Variants in TUSC3 observed in about 807,000 individuals in gnomAD.
The protein encoded by TUSC3 is dolichyl-diphosphooligosaccharide--protein glycosyltransferase subunit TUSC3.
TUSC3 carries 45 observed loss-of-function variants against 44.8 expected under a neutral mutation model. The ratio of observed to expected loss-of-function variants is 1.00; its 90% CI spans 0.79 to 1.29. The LOEUF (loss-of-function observed/expected upper bound fraction) is 1.29, where lower values mean the gene tolerates loss of function less well. Among genes scored for constraint, TUSC3 ranks in the 50% most tolerant of loss-of-function variants. The pLI, the probability that TUSC3 is intolerant of heterozygous loss-of-function variation, is 0.00. For missense variants in TUSC3, 519 were observed against 437.9 expected (o/e 1.19, Z -1.65); for synonymous variants, 212 against 152.9 (o/e 1.39, Z -2.85).
At chr8:15,651,641 C>T (rs1806908571) in intron 3 of TUSC3, among the ~76,000 whole-genome samples, 1 of 152,136 alleles carries the variant, frequency 6.6e-6, no homozygotes, top group Non-Finnish European at 1.5e-5. Flanking sequence ...GGAAGAGGAG[C>T]CTCACCCGAA....
rs537415026 is a variant in TUSC3, at chr8:15,575,027, A to C, written c.138+34459A>C. 2.1e-4 allele frequency among the ~76,000 whole-genome samples: 32 copies of C among 152,172 alleles called. No homozygotes were observed. The South Asian group carries it at 6.7e-3, about 32-fold the overall frequency. ...TGCTGTGCTTCATTTTTATTTCTTG[A>C]AGTATTTAGAAAATTTTTATACTGA... is the stretch of plus-strand genomic sequence containing the variant. On this transcript the variant is annotated intron_variant, in intron 1 of 10. Coordinates refer to ENST00000503731, the MANE Select transcript of TUSC3 (RefSeq NM_006765.4).
chr8:15,723,331 C>CT, intron 6 of TUSC3, among the ~76,000 whole-genome samples: 1 of 152,132 alleles, frequency 6.6e-6, no homozygotes. Context: ...AGACAAAATT[C>CT]TTTGAGTGGC....
At chr8:15,542,571 A>G (rs1386605878) in intron 1 of TUSC3, among the ~76,000 whole-genome samples, 1 of 150,576 alleles carries the variant, frequency 6.6e-6, no homozygotes, top group East Asian at 2.0e-4. Flanking sequence ...TTACAAGGGG[A>G]AAAAAAAAAT....
the TUSC3 span, among the ~76,000 whole-genome samples, chr8:15,791,651 C>T: frequency 6.6e-6 from 1 of 152,106 alleles, no homozygotes; most frequent in African/African-American, 2.4e-5. Flanking sequence ...AATACAAAAC[C>T]ATTTCCTTTC....
In TUSC3 at chr8:15,659,615, G is replaced by A. The variant is rs199834913; in HGVS notation, c.535G>A (p.Ala179Thr). 32 of 1,613,308 alleles carry A rather than the reference G, an allele frequency of 2.0e-5. No individual in the cohort carries two copies. Among genetic ancestry groups the A allele is most frequent in the Middle Eastern group, 1.7e-4 (1 of 6,056 alleles). Reference protein sequence around the residue: ...QRIGFAAEQLAKWIADRTDVH... With the variant: ...QRIGFAAEQLTKWIADRTDVH... ...AATTGGATTTGCAGCTGAGCAACTAGCAAAGTGGATTGCTGACAGAACGGA... is the reference window on the plus strand; with the variant it reads ...AATTGGATTTGCAGCTGAGCAACTAACAAAGTGGATTGCTGACAGAACGGA... Residue 179 changes from alanine (A) to threonine (T), a missense_variant, in exon 4 of 11, where the codon GCA becomes ACA. Transcript: ENST00000503731.
intron 1 of TUSC3, among the ~76,000 whole-genome samples, chr8:15,604,239 C>T (rs567732664): frequency 4.6e-4 from 69 of 151,490 alleles, no homozygotes; most frequent in African/African-American, 1.4e-4. Flanking sequence ...CGTCTTTATA[C>T]ACATAAAGAT....
chr8:15,815,596 G>C, the TUSC3 span, among the ~76,000 whole-genome samples: 1 of 152,124 alleles, frequency 6.6e-6, no homozygotes, highest in Non-Finnish European at 1.5e-5. Context: ...GGAAACAGAA[G>C]CATCTGTCAG....
chr8:15,720,938 A>T (rs1810278360), intron 6 of TUSC3, among the ~76,000 whole-genome samples: 1 of 152,116 alleles, frequency 6.6e-6, no homozygotes, highest in African/African-American at 2.4e-5. Flanking sequence ...ATCCATGTTC[A>T]TGTGCTGACA....
At chr8:15,824,279 C>T in the TUSC3 span, among the ~76,000 whole-genome samples, 6 of 152,302 alleles carry the variant, frequency 3.9e-5, no homozygotes, top group Non-Finnish European at 8.8e-5. Flanking sequence ...AGGATACTTT[C>T]AATGTCTATT....
At chr8:15,790,192 T>A in the TUSC3 span, among the ~76,000 whole-genome samples, 1 of 137,512 alleles carries the variant, frequency 7.3e-6, no homozygotes, top group Non-Finnish European at 1.6e-5. Flanking sequence ...TTTTTTTTTT[T>A]TTTTTTTTTT....
At chr8:15,501,020 C>G (rs1800957059) in intron 2 of TUSC3, among the ~76,000 whole-genome samples, 1 of 152,030 alleles carries the variant, frequency 6.6e-6, no homozygotes, top group Non-Finnish European at 1.5e-5. Context: ...AACAGTTTTC[C>G]TTTGTATTCT....
intron 6 of TUSC3, among the ~76,000 whole-genome samples, chr8:15,722,799 C>T (rs770199421): frequency 1.6e-4 from 24 of 150,680 alleles, no homozygotes; most frequent in Admixed American, 2.7e-4. Flanking sequence ...GAATGTGTAG[C>T]AGTTCATTTG....
At chr8:15,744,800 A>G (rs576063716) in intron 8 of TUSC3, among the ~76,000 whole-genome samples, 11 of 152,122 alleles carry the variant, frequency 7.2e-5, no homozygotes, top group African/African-American at 2.2e-4. Flanking sequence ...AGGACATACT[A>G]TTTTTTTAAT....
intron 6 of TUSC3, among the ~76,000 whole-genome samples, chr8:15,675,784 G>A (rs1008589301): frequency 6.6e-6 from 1 of 151,974 alleles, no homozygotes; most frequent in African/African-American, 2.4e-5. Context: ...CTTTTTTATG[G>A]CTGTATAGTA....
chr8:15,818,028 A>G, the TUSC3 span, among the ~76,000 whole-genome samples: 52,831 of 152,030 alleles, frequency 0.35, 10,271 homozygotes, highest in African/African-American at 0.51. Flanking sequence ...AAGGAAGAAC[A>G]AGTAGCAGTC....
chr8:15,510,367 GAA>G (rs1801116868), intron 2 of TUSC3, among the ~76,000 whole-genome samples: 1 of 152,092 alleles, frequency 6.6e-6, no homozygotes, highest in Non-Finnish European at 1.5e-5. Context: ...ATCAGGGAAA[GAA>G]GAGAGGGTAC....
At chr8:15,777,455 C>G in the TUSC3 span, among the ~76,000 whole-genome samples, 1 of 152,036 alleles carries the variant, frequency 6.6e-6, no homozygotes, top group African/African-American at 2.4e-5. Context: ...TATATACATC[C>G]CCATGTATGC....
intron 6 of TUSC3, among the ~76,000 whole-genome samples, chr8:15,724,060 C>T (rs990485634): frequency 3.9e-5 from 6 of 152,044 alleles, no homozygotes; most frequent in African/African-American, 1.4e-4. Flanking sequence ...GAGAAGGTCC[C>T]TAATCTGATT....
At chr8:15,754,457 A>G (rs1811837937) in intron 9 of TUSC3, among the ~76,000 whole-genome samples, 1 of 152,134 alleles carries the variant, frequency 6.6e-6, no homozygotes, top group African/African-American at 2.4e-5. Context: ...ACAGACACAC[A>G]TTCTTCTTCA....
Sources: allele counts gnomAD v4.1 joint callset (sites outside exome capture counted in the v4.1 genomes callset), GRCh38; gene constraint gnomAD v4.1.1; transcripts MANE v1.5; gene names NCBI Gene and HGNC (gene_info 2026-07-23, HGNC 2026-07-21).